SLC25A47: variants seen among roughly 807,000 people sequenced by gnomAD.
The protein encoded by SLC25A47 is solute carrier family 25 member 47.
In SLC25A47, 30 loss-of-function variants were observed where a neutral mutation model predicts 29.8. The ratio of observed to expected loss-of-function variants is 1.01; its 90% CI spans 0.75 to 1.36. SLC25A47 has a LOEUF of 1.36. Among genes scored for constraint, SLC25A47 ranks in the 40% most tolerant of loss-of-function variants. The probability of loss-of-function intolerance (pLI) is 0.00; values close to 1 mark genes in which losing one functional copy is unlikely to be tolerated. For synonymous variants in SLC25A47, 204 were observed against 197.8 expected, an observed-to-expected ratio of 1.03 and a Z score of -0.26; for missense variants, 430 against 441.9, an observed-to-expected ratio of 0.97 and a Z score of 0.24.
In SLC25A47 at chr14:100,326,212, C is replaced by T. The variant is rs201806128; in HGVS notation, c.128C>T (p.Thr43Met). ...YTGIWHCVRDTYHRERVWGFY... is the reference protein window; with the variant it reads ...YTGIWHCVRDMYHRERVWGFY... Reference sequence around the variant, plus strand: ...GGCATCTGGCACTGCGTCCGGGATACGTATCACCGAGAGCGCGTAGGTCTG... The same window carrying T: ...GGCATCTGGCACTGCGTCCGGGATATGTATCACCGAGAGCGCGTAGGTCTG... The change falls in exon 3 of 6, where the codon ACG becomes ATG. Residue 43 changes from threonine to methionine, a missense_variant. Coordinates refer to ENST00000361529, the MANE Select transcript of SLC25A47 (RefSeq NM_207117.4). The T allele has an allele frequency of 7.4e-5, 119 of 1,613,736 alleles. 1 individual carries two copies. In the East Asian group the frequency reaches 1.6e-3, roughly 21 times the overall value.
rs1893337516 is a variant in SLC25A47, at chr14:100,326,215, A to G, written c.131A>G (p.Tyr44Cys). 1 of 1,613,648 alleles carries G rather than the reference A, an allele frequency of 6.2e-7. No individual in the cohort carries two copies. The highest frequency in any genetic ancestry group is 8.5e-7 in the Non-Finnish European group (1 of 1,179,944). Residue 44 changes from tyrosine (Y) to cysteine (C), a missense_variant, in exon 3 of 6, where the codon TAT becomes TGT. Tyr to Cys is a radical substitution (Grantham distance 194). Transcript: ENST00000361529. ...TGIWHCVRDT[Y>C]HRERVWGFYR... ...ATCTGGCACTGCGTCCGGGATACGT[A>G]TCACCGAGAGCGCGTAGGTCTGGGG...
intron 3 of SLC25A47, among the ~76,000 whole-genome samples, chr14:100,326,711 C>T (rs903926155): frequency 2.0e-4 from 31 of 152,326 alleles, no homozygotes; most frequent in African/African-American, 2.6e-4. Flanking sequence ...CGGTGGCTTA[C>T]GCCTGTAATC....
At chr14:100,325,949 C>A in intron 2 of SLC25A47, 118 bp downstream of exon 2, 2 of 1,173,868 alleles carry the variant, frequency 1.7e-6, no homozygotes, top group Non-Finnish European at 2.4e-6. Context: ...CCTTCAATGG[C>A]TCCCCATAGC....
Position 100,328,891 on chromosome 14 carries a change from T to A in SLC25A47, c.493T>A (p.Cys165Ser), listed in dbSNP as rs1248423539. ...PEPKYRGPLH[C>S]LATVAREEGL... ...GCCCAAGTACCGCGGGCCACTGCAC[T>A]GCCTGGCCACGGTAGCCCGTGAGGA... The change falls in exon 5 of 6, where the codon TGC (cysteine) becomes AGC (serine). Residue 165 changes from cysteine to serine, a missense_variant. Cys to Ser is a moderately radical substitution (Grantham distance 112). Transcript: ENST00000361529. 1.9e-6 allele frequency: 3 copies of A among 1,611,576 alleles called. No homozygotes were observed. In the South Asian group the frequency reaches 3.3e-5, roughly 18 times the overall value.
intron 2 of SLC25A47, 128 bp downstream of exon 2, chr14:100,325,959 C>A (rs1274980397): frequency 9.0e-7 from 1 of 1,106,960 alleles, no homozygotes; most frequent in Non-Finnish European, 1.3e-6. Context: ...CTCCCCATAG[C>A]CCCTGGGACT....
rs1893357400 is a variant in SLC25A47 at position 100,327,265 on chromosome 14, C to CCAGG, written c.223_224insAGGC (p.Arg75GlnfsTer17). 6.2e-7 allele frequency: 1 copy of CCAGG among 1,607,970 alleles called. No homozygotes were observed. The highest frequency in any genetic ancestry group is 1.1e-5 in the South Asian group (1 of 91,080). On this transcript the variant is annotated frameshift_variant, in exon 4 of 6. Coordinates refer to ENST00000361529, the MANE Select transcript of SLC25A47 (RefSeq NM_207117.4). LOFTEE classifies it high-confidence loss of function. ...TATCTTCCGTGTCTTTTGGCACCTA[C>CCAGG]CGCCACTGCCTGGCGCACATCTGCC... is the stretch of plus-strand genomic sequence containing the variant.
chr14:100,329,935 C>T lies in SLC25A47; in HGVS notation c.*290C>T. 2.1e-6 allele frequency: 1 copy of T among 471,986 alleles called. No individual in the cohort carries two copies. Among genetic ancestry groups the T allele is most frequent in the Non-Finnish European group, 3.8e-6 (1 of 261,148 alleles). 29.2% of individuals were successfully genotyped at this position (471,986 alleles called of 1,614,324 possible). On this transcript the variant is annotated 3_prime_UTR_variant, in exon 6 of 6. Transcript: ENST00000361529. ...GTTGAGTTGCATGGAGTCGGTTGTT[C>T]ATCCCAGCCTCCCCATGGCCCTCGC... is the stretch of plus-strand genomic sequence containing the variant.
chr14:100,329,954 C>A lies in SLC25A47; in HGVS notation c.*309C>A. The A allele has an allele frequency of 2.4e-6, 1 of 416,982 alleles. No individual in the cohort carries two copies. The highest frequency in any genetic ancestry group is 2.8e-5 in the South Asian group (1 of 35,988). 25.8% of individuals were successfully genotyped at this position (416,982 alleles called of 1,614,324 possible). On this transcript the variant is annotated 3_prime_UTR_variant, in exon 6 of 6. Transcript: ENST00000361529. ...GTTGTTCATCCCAGCCTCCCCATGG[C>A]CCTCGCCTCCCATGTCTTTGAAGCA... is the stretch of plus-strand genomic sequence containing the variant.
intron 4 of SLC25A47, 103 bp downstream of exon 4, chr14:100,327,473 A>T: frequency 7.7e-7 from 1 of 1,290,856 alleles, no homozygotes; most frequent in African/African-American, 1.5e-5. Context: ...ATGAGGGCAG[A>T]CACTGGAGGC....
At chr14:100,323,531 G>C in intron 1 of SLC25A47, 89 bp downstream of exon 1, 1 of 1,525,510 alleles carries the variant, frequency 6.6e-7, no homozygotes, top group Non-Finnish European at 9.0e-7. Context: ...TGGGCAGCAG[G>C]GTGGGCTTTG....
chr14:100,327,261 C>G lies in SLC25A47; in HGVS notation c.218C>G (p.Thr73Ser), dbSNP rs757658344. 1 of 1,608,204 alleles carries G rather than the reference C, an allele frequency of 6.2e-7. No homozygotes were observed. Among genetic ancestry groups the G allele is most frequent in the South Asian group, 1.1e-5 (1 of 91,082 alleles). The change falls in exon 4 of 6, where the codon ACC becomes AGC. Residue 73 changes from threonine (T) to serine (S), a missense_variant. Physicochemically the swap from Thr to Ser is moderately conservative, Grantham distance 58. Coordinates refer to ENST00000361529, the MANE Select transcript of SLC25A47 (RefSeq NM_207117.4). Reference sequence around the variant, plus strand: ...CTGGTATCTTCCGTGTCTTTTGGCACCTACCGCCACTGCCTGGCGCACATC... The same window carrying G: ...CTGGTATCTTCCGTGTCTTTTGGCAGCTACCGCCACTGCCTGGCGCACATC... ...VSLVSSVSFG[T>S]YRHCLAHICR...
intron 3 of SLC25A47, among the ~76,000 whole-genome samples, chr14:100,326,760 G>A (rs58164421): frequency 0.035 from 5,268 of 152,262 alleles, 316 homozygotes; most frequent in African/African-American, 0.12. Flanking sequence ...GATCACCTGT[G>A]GTCAGGAGTT....
chr14:100,325,717 C>T, intron 1 of SLC25A47, 71 bp from the exon 2 acceptor site: 1 of 1,522,410 alleles, frequency 6.6e-7, no homozygotes, highest in South Asian at 1.2e-5. Context: ...TCTGCTTCTG[C>T]TTCCCTGCAA....
In SLC25A47 at chr14:100,325,845, C is replaced by A; in HGVS notation, c.72+14C>A. 6.2e-7 allele frequency: 1 copy of A among 1,610,388 alleles called. No homozygotes were observed. The highest frequency in any genetic ancestry group is 8.5e-7 in the Non-Finnish European group (1 of 1,178,176). ...GACACGGTGAAGGTGCGGCAATAGC[C>A]AGCCCCCCAACCATCCTAAGGCCCC... On this transcript the variant is annotated intron_variant, in intron 2 of 5. Coordinates refer to ENST00000361529, the MANE Select transcript of SLC25A47 (RefSeq NM_207117.4).
chr14:100,329,425 C>A lies in SLC25A47; in HGVS notation c.707C>A (p.Thr236Asn), dbSNP rs1035946297. ...GGAGTCCTGGCCTGGGCTGTGGCCA[C>A]CCCCATGGACGTGATCAAGTCGAGA... ...CAGVLAWAVATPMDVIKSRLQ... is the reference protein window; with the variant it reads ...CAGVLAWAVANPMDVIKSRLQ... The change falls in exon 6 of 6, where the codon ACC (threonine) becomes AAC (asparagine). Residue 236 changes from threonine to asparagine, a missense_variant. Physicochemically the swap from Thr to Asn is moderately conservative, Grantham distance 65 (BLOSUM62 0). Transcript: ENST00000361529. The A allele has an allele frequency of 4.3e-6, 7 of 1,613,076 alleles. No homozygotes were observed. The highest frequency in any genetic ancestry group is 5.9e-6 in the Non-Finnish European group (7 of 1,179,952).
At chr14:100,325,626 C>T (rs952097468) in intron 1 of SLC25A47, among the ~76,000 whole-genome samples, 162 bp from the exon 2 acceptor site, 3 of 152,186 alleles carry the variant, frequency 2.0e-5, no homozygotes, top group African/African-American at 7.2e-5. Flanking sequence ...AACGGGGGTG[C>T]CCTCAGGATT....
Position 100,329,392 on chromosome 14 carries a change from G to A in SLC25A47, c.674G>A (p.Gly225Asp), listed in dbSNP as rs1156917323. The change falls in exon 6 of 6, where the codon GGC becomes GAC. Residue 225 changes from glycine (G) to aspartate (D), a missense_variant. Coordinates refer to ENST00000361529, the MANE Select transcript of SLC25A47 (RefSeq NM_207117.4). ...PDVPGVLVAGGCAGVLAWAVA... is the reference protein window; with the variant it reads ...PDVPGVLVAGDCAGVLAWAVA... ...GTCCCGGGCGTGCTGGTGGCCGGGGGCTGTGCAGGAGTCCTGGCCTGGGCT... is the reference window on the plus strand; with the variant it reads ...GTCCCGGGCGTGCTGGTGGCCGGGGACTGTGCAGGAGTCCTGGCCTGGGCT... 4 of 1,608,574 alleles carry A rather than the reference G, an allele frequency of 2.5e-6. No homozygotes were observed. Among genetic ancestry groups the A allele is most frequent in the Non-Finnish European group, 2.5e-6 (3 of 1,177,590 alleles).
chr14:100,327,644 C>G (rs537632944), intron 4 of SLC25A47, among the ~76,000 whole-genome samples: 85 of 152,326 alleles, frequency 5.6e-4, no homozygotes, highest in African/African-American at 2.0e-3. Context: ...CTGTCACGGT[C>G]AGAAGGTCAC....
rs1703547782 is a variant in SLC25A47 at position 100,329,024 on chromosome 14, C to CA, written c.626_627insA (p.Ala210ArgfsTer88). 1.3e-6 allele frequency: 2 copies of CA among 1,599,310 alleles called. No individual in the cohort carries two copies. The highest frequency in any genetic ancestry group is 1.3e-5 in the African/African-American group (1 of 74,914). The stretch of plus-strand genomic sequence containing the variant: ...GCGGTCCTCTGCGAGTGGCTCAGCC[C>CA]CGCTGGCCACAGCCGGCCAGGTGAG... On this transcript the variant is annotated frameshift_variant, in exon 5 of 6. Transcript: ENST00000361529. LOFTEE classifies it high-confidence loss of function.
Sources: gnomAD v4.1 joint callset for allele counts (sites outside exome capture counted in the v4.1 genomes callset) on GRCh38, gnomAD v4.1.1 for gene constraint, MANE v1.5 for transcripts, NCBI Gene and HGNC (gene_info 2026-07-23, HGNC 2026-07-21) for gene names.